P2RY12: variants seen among roughly 807,000 people sequenced by gnomAD.
P2RY12 encodes the protein purinergic receptor P2Y12.
Under a neutral mutation model 4.5 loss-of-function variants are expected in P2RY12, and 3 were observed. That is an observed-to-expected ratio of 0.67 (90% CI 0.31 to 1.74). The LOEUF is 1.74. Ranked by LOEUF, P2RY12 falls within the 40% of genes most tolerant of loss-of-function variation. P2RY12 has a pLI of 0.09. For synonymous variants in P2RY12, 148 were observed against 154.1 expected (o/e 0.96, Z 0.29); for missense variants, 356 against 407.8 (o/e 0.87, Z 1.09).
intron 1 of P2RY12, among the ~76,000 whole-genome samples, chr3:151,354,883 A>G (rs375952797): frequency 1.3e-5 from 2 of 152,208 alleles, no homozygotes; most frequent in Non-Finnish European, 2.9e-5. Flanking sequence ...CTAAGTTGTT[A>G]GGTGTCAGGA....
chr3:151,370,621 G>A (rs1209937486), intron 1 of P2RY12, among the ~76,000 whole-genome samples: 1 of 152,162 alleles, frequency 6.6e-6, no homozygotes, highest in Non-Finnish European at 1.5e-5. Flanking sequence ...GCTCATTTCA[G>A]TGAGTAGAAT....
rs377058243 is a variant in P2RY12, at chr3:151,376,110, A to C, written c.-180+8582T>G. On this transcript the variant is annotated intron_variant, in intron 1 of 2. Coordinates refer to ENST00000302632, the MANE Select transcript of P2RY12 (RefSeq NM_022788.5). Reference sequence around the variant, plus strand: ...TATATTGGACCCTGTGCTTTCAAATATGCAAGCACAGAAATTACTGCAGCT... The same window carrying C: ...TATATTGGACCCTGTGCTTTCAAATCTGCAAGCACAGAAATTACTGCAGCT... 4.3e-6 allele frequency: 7 copies of C among 1,611,670 alleles called. No individual in the cohort carries two copies. The African/African-American group carries it at 6.7e-5, about 15-fold the overall frequency.
At chr3:151,366,878 A>G (rs1463920552) in intron 1 of P2RY12, among the ~76,000 whole-genome samples, 3 of 152,114 alleles carry the variant, frequency 2.0e-5, no homozygotes, top group African/African-American at 7.2e-5. Flanking sequence ...TTTTTAAATT[A>G]CACTTTACCT....
intron 1 of P2RY12, among the ~76,000 whole-genome samples, chr3:151,347,123 C>T (rs1752640619): frequency 6.6e-6 from 1 of 151,144 alleles, no homozygotes; most frequent in Non-Finnish European, 1.5e-5. Context: ...TCTTCATTCC[C>T]ACCACTAAAA....
intron 1 of P2RY12, among the ~76,000 whole-genome samples, chr3:151,343,619 A>C (rs1752153072): frequency 6.7e-6 from 1 of 148,764 alleles, no homozygotes; most frequent in South Asian, 2.1e-4. Flanking sequence ...CTCATTAGTA[A>C]ATAACATCAA....
In P2RY12 at chr3:151,338,122, T is replaced by C. The variant is rs1256866256; in HGVS notation, c.724A>G (p.Ile242Val). The C allele has an allele frequency of 1.2e-6, 2 of 1,614,008 alleles. No homozygotes were observed. The highest frequency in any genetic ancestry group is 3.3e-5 in the Admixed American group (2 of 59,952). ...KKVNVKVFII[I>V]AVFFICFVPF... is the part of the protein sequence containing the mutation. ...ACAAAACAAATAAAGAATACAGCAA[T>C]GATAATGAAAACTTTGACGTTCACC... The change falls in exon 3 of 3, where the codon ATT becomes GTT. Residue 242 changes from isoleucine to valine, a missense_variant. Transcript: ENST00000302632.
At chr3:151,348,357 A>G (rs940792115) in intron 1 of P2RY12, among the ~76,000 whole-genome samples, 83 of 70,350 alleles carry the variant, frequency 1.2e-3, no homozygotes, top group African/African-American at 2.8e-3. Flanking sequence ...AAAAAAAAAA[A>G]AAAAAAGAAA....
chr3:151,361,058 G>A (rs1185732468), intron 1 of P2RY12, among the ~76,000 whole-genome samples: 1 of 151,892 alleles, frequency 6.6e-6, no homozygotes, highest in Non-Finnish European at 1.5e-5. Context: ...TGCTTTATTT[G>A]TATCCCTCTT....
chr3:151,382,522 T>A, intron 1 of P2RY12: 1 of 541,828 alleles, frequency 1.8e-6, no homozygotes, highest in Non-Finnish European at 3.2e-6. Context: ...AGAAGAAAGC[T>A]AAAATTTTAT....
At chr3:151,368,657 T>TTCATTTCATTTCATG (rs1560087173) in intron 1 of P2RY12, among the ~76,000 whole-genome samples, 7 of 61,304 alleles carry the variant, frequency 1.1e-4, no homozygotes, top group Non-Finnish European at 2.2e-4. Context: ...TTCATTTCAT[T>TTCATTTCATTTCATG]TCATTTCATT....
intron 1 of P2RY12, among the ~76,000 whole-genome samples, chr3:151,359,313 G>A (rs1170890389): frequency 1.3e-5 from 2 of 152,102 alleles, no homozygotes; most frequent in Non-Finnish European, 2.9e-5. Flanking sequence ...TAGTTAACAG[G>A]TTGAATCATT....
chr3:151,352,723 G>C (rs1753389536), intron 1 of P2RY12, among the ~76,000 whole-genome samples: 1 of 152,144 alleles, frequency 6.6e-6, no homozygotes, highest in African/African-American at 2.4e-5. Context: ...ATTTCCAGTT[G>C]AATGATCAAA....
chr3:151,351,782 T>C (rs1157015324), intron 1 of P2RY12, among the ~76,000 whole-genome samples: 1 of 152,154 alleles, frequency 6.6e-6, no homozygotes, highest in Non-Finnish European at 1.5e-5. Context: ...TTAGAAGGCT[T>C]GAGGGGTATG....
chr3:151,370,612 C>T (rs1039134429), intron 1 of P2RY12, among the ~76,000 whole-genome samples: 1 of 152,098 alleles, frequency 6.6e-6, no homozygotes, highest in Non-Finnish European at 1.5e-5. Context: ...ACATTAAGTG[C>T]TCATTTCAGT....
intron 1 of P2RY12, among the ~76,000 whole-genome samples, chr3:151,346,531 G>A (rs2149996018): frequency 6.6e-6 from 1 of 152,194 alleles, no homozygotes; most frequent in African/African-American, 2.4e-5. Context: ...TTCACACATG[G>A]TTTGTCAGTA....
intron 1 of P2RY12, among the ~76,000 whole-genome samples, chr3:151,371,832 C>T (rs898480214): frequency 3.9e-5 from 6 of 152,148 alleles, no homozygotes; most frequent in African/African-American, 1.4e-4. Context: ...TCTCTCATGG[C>T]TAGAGTTTTC....
At chr3:151,342,836 A>G (rs1159632922) in intron 1 of P2RY12, among the ~76,000 whole-genome samples, 1 of 152,198 alleles carries the variant, frequency 6.6e-6, no homozygotes, top group East Asian at 1.9e-4. Flanking sequence ...TATGTACTTC[A>G]AATAATAATT....
At chr3:151,383,691 A>AAAAC in intron 1 of P2RY12, 1 of 807,800 alleles carries the variant, frequency 1.2e-6, no homozygotes, top group South Asian at 1.8e-5. Flanking sequence ...TTTTAAATAA[A>AAAAC]AAACAATCAA....
chr3:151,353,889 C>T (rs538932729), intron 1 of P2RY12, among the ~76,000 whole-genome samples: 1 of 152,178 alleles, frequency 6.6e-6, no homozygotes, highest in Admixed American at 6.5e-5. Flanking sequence ...CGCCTGTAAT[C>T]CCAGCACTTT....
Sources: gnomAD v4.1 joint callset for allele counts (sites outside exome capture counted in the v4.1 genomes callset) on GRCh38, gnomAD v4.1.1 for gene constraint, MANE v1.5 for transcripts, NCBI Gene and HGNC (gene_info 2026-07-23, HGNC 2026-07-21) for gene names.